Variants in MAPT observed in about 807,000 individuals in gnomAD.
The protein encoded by MAPT is microtubule-associated protein tau.
In MAPT, 34 loss-of-function variants were observed where a neutral mutation model predicts 67.9. That is an observed-to-expected ratio of 0.50 (90% CI 0.38 to 0.67). The LOEUF (loss-of-function observed/expected upper bound fraction) is 0.67. Ranked by LOEUF, MAPT falls within the 30% of genes least tolerant of loss-of-function variation. The probability of loss-of-function intolerance (pLI) is 0.00; values close to 1 mark genes in which losing one functional copy is unlikely to be tolerated. For missense variants in MAPT, 881 were observed against 1,115.2 expected (o/e 0.79, Z 2.99); for synonymous variants, 456 against 464.5 (o/e 0.98, Z 0.23).
intron 12 of MAPT, among the ~76,000 whole-genome samples, chr17:46,020,176 A>G (rs1207182778): frequency 6.6e-6 from 1 of 152,062 alleles, no homozygotes; most frequent in Non-Finnish European, 1.5e-5. Flanking sequence ...GAGCAAAACA[A>G]TGATGCCGAA....
At chr17:45,983,987 T>G (rs559630192) in intron 5 of MAPT, 57 bp downstream of exon 5, 2 of 1,422,128 alleles carry the variant, frequency 1.4e-6, no homozygotes, top group African/African-American at 2.9e-5. Context: ...CCTCCCAGGC[T>G]GCGGGCACTG....
At position 46,010,537 on chromosome 17, in the gene MAPT, G is replaced by A. The variant is rs1386214588; in HGVS notation, c.2091+135G>A. ...CTCAGGATCTGGCTGCGACCTCTGG[G>A]TGAATGTAGCCCGGCTCCCCACATT... On this transcript the variant is annotated intron_variant, in intron 10 of 12. Coordinates refer to ENST00000262410, the MANE Select transcript of MAPT (RefSeq NM_001377265.1). This position sits in a 1 kb window ranked among gnomAD's most constrained non-coding sequence, Gnocchi z 4.7. 6.8e-6 allele frequency: 5 copies of A among 731,888 alleles called. No individual in the cohort carries two copies. Among genetic ancestry groups the A allele is most frequent in the African/African-American group, 3.5e-5 (2 of 57,714 alleles). The allele number at this position is 731,888 out of a possible 1,614,324, so 45.3% of individuals were successfully genotyped here.
At position 45,983,395 on chromosome 17, in the gene MAPT, C is replaced by A. The variant is rs777923677; in HGVS notation, c.816C>A (p.His272Gln). 1 of 1,607,168 alleles carries A rather than the reference C, an allele frequency of 6.2e-7. No homozygotes were observed. Among genetic ancestry groups the A allele is most frequent in the Non-Finnish European group, 8.5e-7 (1 of 1,176,788 alleles). Residue 272 changes from histidine to glutamine, a missense_variant, in exon 5 of 13, where the codon CAC becomes CAA. By Grantham distance (24) the His-to-Gln change is conservative. Coordinates refer to ENST00000262410, the MANE Select transcript of MAPT (RefSeq NM_001377265.1). The stretch of plus-strand genomic sequence containing the variant: ...AGCACCAGCTTCTAGGAGACCTGCA[C>A]CAGGAGGGGCCGCCGCTGAAGGGGG... Reference protein sequence around the residue: ...LLKHQLLGDLHQEGPPLKGAG... With the variant: ...LLKHQLLGDLQQEGPPLKGAG...
intron 9 of MAPT, among the ~76,000 whole-genome samples, chr17:46,007,769 G>A (rs1455526362): frequency 6.6e-6 from 1 of 152,220 alleles, no homozygotes; most frequent in African/African-American, 2.4e-5. Flanking sequence ...AAGCCATGTG[G>A]AGAGTTGTAC....
intron 1 of MAPT, among the ~76,000 whole-genome samples, chr17:45,907,187 C>T (rs1473087230): frequency 6.6e-6 from 1 of 152,188 alleles, no homozygotes; most frequent in Non-Finnish European, 1.5e-5. Flanking sequence ...CCAGCCTGCC[C>T]TGTGGCTCCT....
At chr17:45,968,226 A>T (rs2071290354) in intron 2 of MAPT, among the ~76,000 whole-genome samples, 1 of 151,992 alleles carries the variant, frequency 6.6e-6, no homozygotes, top group Non-Finnish European at 1.5e-5. Context: ...AAACCCCACC[A>T]TTCTGAGCAT....
At chr17:45,999,305 C>T (rs1386625081) in intron 9 of MAPT, 1 of 1,613,794 alleles carries the variant, frequency 6.2e-7, no homozygotes. Flanking sequence ...GGCCAAGTCT[C>T]ATGCATTTTT....
In MAPT at chr17:46,001,407, AG is replaced by A. The variant is rs1289491330; in HGVS notation, c.1998+4744del. Among the ~76,000 whole-genome samples, 15 of 152,316 alleles carry A rather than the reference AG, an allele frequency of 9.8e-5. No homozygotes were observed. In the East Asian group the frequency reaches 2.9e-3, roughly 29 times the overall value. On this transcript the variant is annotated intron_variant, in intron 9 of 12. Coordinates refer to ENST00000262410, the MANE Select transcript of MAPT (RefSeq NM_001377265.1). ...AAATAAGAATCTAGAAACAAAGATA[AG>A]AGCAGAAATAAACCAGAAAACACAA...
At chr17:45,970,372 A>C (rs1036039824) in intron 2 of MAPT, among the ~76,000 whole-genome samples, 1 of 151,910 alleles carries the variant, frequency 6.6e-6, no homozygotes, top group African/African-American at 2.4e-5. Context: ...TAATACATTC[A>C]TCCAATCATC....
At chr17:45,966,154 G>A (rs1260452355) in intron 2 of MAPT, among the ~76,000 whole-genome samples, 1 of 152,220 alleles carries the variant, frequency 6.6e-6, no homozygotes, top group Non-Finnish European at 1.5e-5. Flanking sequence ...TTTAAAATAT[G>A]TATTATGCTG....
chr17:45,959,078 A>G (rs1480838546), intron 1 of MAPT, among the ~76,000 whole-genome samples: 2 of 152,148 alleles, frequency 1.3e-5, no homozygotes, highest in African/African-American at 4.8e-5. Context: ...AAATTAAAAC[A>G]TCACATATTT....
intron 9 of MAPT, chr17:45,999,183 C>T (rs1403691287): frequency 5.4e-6 from 8 of 1,494,512 alleles, no homozygotes; most frequent in Non-Finnish European, 6.2e-6. Context: ...GTTGCCATCT[C>T]CTCCAGGAAG....
chr17:45,927,292 A>G (rs2066432523), intron 1 of MAPT, among the ~76,000 whole-genome samples: 1 of 152,124 alleles, frequency 6.6e-6, no homozygotes, highest in African/African-American at 2.4e-5. Flanking sequence ...ATGTTGGGGA[A>G]GGGGGTAGTC....
At chr17:45,943,227 G>C (rs1311102979) in intron 1 of MAPT, among the ~76,000 whole-genome samples, 3 of 152,088 alleles carry the variant, frequency 2.0e-5, no homozygotes, top group African/African-American at 7.2e-5. Context: ...CTAAATTTTT[G>C]TACTTTTAGT....
intron 7 of MAPT, 71 bp downstream of exon 7, chr17:45,990,146 GT>G: frequency 1.4e-6 from 2 of 1,409,802 alleles, no homozygotes; most frequent in Non-Finnish European, 2.0e-6. Context: ...TTGTTTATTT[GT>G]TTTTTAGCCT....
intron 1 of MAPT, among the ~76,000 whole-genome samples, chr17:45,935,443 T>C (rs569099627): frequency 3.6e-4 from 55 of 152,294 alleles, no homozygotes; most frequent in African/African-American, 1.3e-3. Context: ...GGGGTCCATT[T>C]ACTTACCTTC....
At chr17:45,904,045 A>AGATT (rs2063960569) in intron 1 of MAPT, among the ~76,000 whole-genome samples, 1 of 15,092 alleles carries the variant, frequency 6.6e-5, no homozygotes, top group Non-Finnish European at 1.1e-4. Flanking sequence ...TTATATATTT[A>AGATT]TATATATTAT....
At position 45,987,136 on chromosome 17, in the gene MAPT, T is replaced by A. The variant is rs538442832; in HGVS notation, c.1407+41T>A. 26 of 1,589,974 alleles carry A rather than the reference T, an allele frequency of 1.6e-5. No individual in the cohort carries two copies. The South Asian group carries it at 2.7e-4, about 16-fold the overall frequency. ...CACGGAGCTCTGCAGCTGGTCAAGT[T>A]TACAGAGAAGCTGTGCTTTATGTCT... On this transcript the variant is annotated intron_variant, in intron 6 of 12. Coordinates refer to ENST00000262410, the MANE Select transcript of MAPT (RefSeq NM_001377265.1).
At chr17:45,976,922 C>G (rs565314381) in intron 3 of MAPT, 1 of 152,432 alleles carries the variant, frequency 6.6e-6, no homozygotes, top group East Asian at 1.9e-4. Context: ...TTTAGCTGGA[C>G]TTGCTGTAGC....
Sources: gnomAD v4.1 joint callset for allele counts (sites outside exome capture counted in the v4.1 genomes callset) on GRCh38, gnomAD v4.1.1 for gene constraint, Gnocchi (gnomAD v3.1) non-coding constraint, MANE v1.5 for transcripts, NCBI Gene and HGNC (gene_info 2026-07-23, HGNC 2026-07-21) for gene names.